CEP152: variants seen among roughly 807,000 people sequenced by gnomAD.
The protein encoded by CEP152 is centrosomal protein of 152 kDa.
CEP152 carries 132 observed loss-of-function variants against 188.9 expected under a neutral mutation model. The observed-to-expected ratio is 0.70, with a 90% CI of 0.61 to 0.81. CEP152 has a LOEUF of 0.81. Among genes scored for constraint, CEP152 ranks in the 30% least tolerant of loss-of-function variants. CEP152 has a pLI of 0.00. For synonymous variants in CEP152, 649 were observed against 666.6 expected, an observed-to-expected ratio of 0.97 and a Z score of 0.41; for missense variants, 1,914 against 1,969.8, an observed-to-expected ratio of 0.97 and a Z score of 0.54.
intron 12 of CEP152, among the ~76,000 whole-genome samples, chr15:48,780,266 T>C (rs923777353): frequency 3.9e-5 from 6 of 152,286 alleles, no homozygotes; most frequent in Middle Eastern, 3.4e-3. Context: ...AAGACAGACC[T>C]CTAGATAAAT....
intron 2 of CEP152, 43 bp downstream of exon 2, chr15:48,805,520 T>C (rs373113457): frequency 1.1e-5 from 17 of 1,578,200 alleles, no homozygotes; most frequent in Non-Finnish European, 1.3e-5. Flanking sequence ...TTGTTAAAGA[T>C]TGGGTTTAGT....
chr15:48,775,473 A>G (rs1201799932), intron 12 of CEP152, among the ~76,000 whole-genome samples: 1 of 152,194 alleles, frequency 6.6e-6, no homozygotes, highest in Non-Finnish European at 1.5e-5. Context: ...CACAGAAACC[A>G]TTGAGTCCAG....
intron 20 of CEP152, among the ~76,000 whole-genome samples, 169 bp downstream of exon 20, chr15:48,755,734 C>T (rs1425821284): frequency 2.0e-5 from 3 of 151,894 alleles, no homozygotes; most frequent in African/African-American, 4.8e-5. Context: ...TTTTTGGCAA[C>T]GAAACATGCA....
At chr15:48,774,992 AG>A (rs538797016) in intron 12 of CEP152, among the ~76,000 whole-genome samples, 80 of 152,276 alleles carry the variant, frequency 5.3e-4, no homozygotes, top group African/African-American at 1.8e-3. Context: ...AGTAAACAAA[AG>A]TTAAAATAAA....
chr15:48,799,516 A>G (rs183082831), intron 2 of CEP152, among the ~76,000 whole-genome samples: 125 of 152,204 alleles, frequency 8.2e-4, no homozygotes, highest in Admixed American at 4.6e-3. Context: ...TCATCTAAAG[A>G]TGCAACAAGA....
rs72739868 is a variant in CEP152 at position 48,800,533 on chromosome 15, C to T, written c.88-2482G>A. Reference sequence around the variant, plus strand: ...TTGCCGTATCTAGATATGCATGTTACCAAATACAGAAATTTAGAAACTATA... The same window carrying T: ...TTGCCGTATCTAGATATGCATGTTATCAAATACAGAAATTTAGAAACTATA... On this transcript the variant is annotated intron_variant, in intron 2 of 26. Coordinates refer to ENST00000380950, the MANE Select transcript of CEP152 (RefSeq NM_001194998.2). 2.8e-3 allele frequency among the ~76,000 whole-genome samples: 432 copies of T among 152,182 alleles called. 2 individuals carry two copies. The highest frequency in any genetic ancestry group is 4.8e-3 in the Non-Finnish European group (327 of 67,984).
At chr15:48,731,439 G>A (rs886371377) in intron 2 of CEP152, among the ~76,000 whole-genome samples, 1 of 152,118 alleles carries the variant, frequency 6.6e-6, no homozygotes, top group Non-Finnish European at 1.5e-5. Flanking sequence ...ATGGGGAAAG[G>A]ATCTCCTATT....
intron 21 of CEP152, among the ~76,000 whole-genome samples, chr15:48,750,318 T>C (rs541247079): frequency 6.6e-6 from 1 of 152,152 alleles, no homozygotes; most frequent in African/African-American, 2.4e-5. Flanking sequence ...ATTTATAAAA[T>C]TAAAATATAC....
chr15:48,806,058 T>C (rs1220106672), intron 1 of CEP152, among the ~76,000 whole-genome samples: 1 of 151,812 alleles, frequency 6.6e-6, no homozygotes, highest in Non-Finnish European at 1.5e-5. Flanking sequence ...ATTGCTTCAT[T>C]TTTTTTTAAT....
chr15:48,782,317 C>T (rs1329230664), intron 10 of CEP152, 87 bp from the exon 11 acceptor site: 1 of 1,134,222 alleles, frequency 8.8e-7, no homozygotes, highest in East Asian at 2.4e-5. Context: ...TCCACTGAGG[C>T]TACAGAAAGT....
chr15:48,768,927 C>A, intron 14 of CEP152, 29 bp downstream of exon 14: 2 of 1,405,936 alleles, frequency 1.4e-6, no homozygotes, highest in South Asian at 2.6e-5. Context: ...TAAAAATTCT[C>A]ATAAAATATA....
chr15:48,755,942 A>T lies in CEP152; in HGVS notation c.3306T>A (p.Leu1102=). 1 of 1,613,996 alleles carries T rather than the reference A, an allele frequency of 6.2e-7. No homozygotes were observed. ...GCIQKAFQDT[L]PLLVENADPE... is the part of the protein sequence containing the mutation. The stretch of plus-strand genomic sequence containing the variant: ...GGTCAGCGTTTTCTACAAGCAGAGG[A>T]AGTGTATCTTGAAATGCTTTCTGTA... Residue 1102 remains leucine (L), a synonymous_variant, in exon 20 of 27, where the codon CTT becomes CTA. Coordinates refer to ENST00000380950, the MANE Select transcript of CEP152 (RefSeq NM_001194998.2).
chr15:48,743,504 G>A (rs1893165791), intron 24 of CEP152, among the ~76,000 whole-genome samples: 2 of 152,154 alleles, frequency 1.3e-5, no homozygotes, highest in Non-Finnish European at 2.9e-5. Context: ...TTATAGCTAT[G>A]AGAAATAATA....
chr15:48,755,247 G>A (rs940981097), intron 20 of CEP152, among the ~76,000 whole-genome samples: 4 of 152,118 alleles, frequency 2.6e-5, no homozygotes, highest in Middle Eastern at 6.8e-3. Flanking sequence ...TCCAGAAACT[G>A]GGCTTCAGAG....
Position 48,739,001 on chromosome 15 carries a change from A to C in CEP152, c.4381T>G (p.Ser1461Ala). The C allele has an allele frequency of 6.2e-7, 1 of 1,614,136 alleles. No individual in the cohort carries two copies. Residue 1461 changes from serine (S) to alanine (A), a missense_variant, in exon 27 of 27, where the codon TCT becomes GCT. Physicochemically the swap from Ser to Ala is moderately conservative, Grantham distance 99. Transcript: ENST00000380950. Reference protein sequence around the residue: ...KHLNSLPRNVSPEFVPCEGEG... With the variant: ...KHLNSLPRNVAPEFVPCEGEG... ...CCTTCACAAGGAACAAACTCAGGAG[A>C]AACATTCCTTGGCAAACTGTTTAGG...
At position 48,769,068 on chromosome 15, in the gene CEP152, G is replaced by A; in HGVS notation, c.1796C>T (p.Thr599Ile). 6.2e-7 allele frequency: 1 copy of A among 1,606,946 alleles called. No homozygotes were observed. The highest frequency in any genetic ancestry group is 8.5e-7 in the Non-Finnish European group (1 of 1,174,408). The change falls in exon 14 of 27, where the codon ACC becomes ATC. Residue 599 changes from threonine to isoleucine, a missense_variant. Transcript: ENST00000380950. The stretch of plus-strand genomic sequence containing the variant: ...TAATTGATTCTTTGGTTTTTCTGAG[G>A]TATCTGTTTTAGTCTGAATATTAAA... Reference protein sequence around the residue: ...KSIEVETKTDTSEKPKNQLWP... With the variant: ...KSIEVETKTDISEKPKNQLWP...
At position 48,738,983 on chromosome 15, in the gene CEP152, A is replaced by G; in HGVS notation, c.4399T>C (p.Cys1467Arg). ...PRNVSPEFVP[C>R]EGEGGFGLHK... ...AAACCAAAGCCTCCTTCACCTTCAC[A>G]AGGAACAAACTCAGGAGAAACATTC... The change falls in exon 27 of 27, where the codon TGT becomes CGT. Residue 1467 changes from cysteine (C) to arginine (R), a missense_variant. Transcript: ENST00000380950. The G allele has an allele frequency of 6.2e-7, 1 of 1,614,110 alleles. No individual in the cohort carries two copies. Among genetic ancestry groups the G allele is most frequent in the Non-Finnish European group, 8.5e-7 (1 of 1,179,978 alleles).
At chr15:48,747,766 G>A (rs956776801) in intron 22 of CEP152, among the ~76,000 whole-genome samples, 9 of 152,194 alleles carry the variant, frequency 5.9e-5, no homozygotes, top group African/African-American at 2.2e-4. Context: ...AAGGTAAGAA[G>A]AGGGAGCAGC....
intron 17 of CEP152, among the ~76,000 whole-genome samples, chr15:48,765,314 T>C (rs1341679123): frequency 6.6e-6 from 1 of 152,194 alleles, no homozygotes; most frequent in Non-Finnish European, 1.5e-5. Context: ...TATAGAACTA[T>C]ACGCCCAGTG....
Sources: allele counts gnomAD v4.1 joint callset (sites outside exome capture counted in the v4.1 genomes callset), GRCh38; gene constraint gnomAD v4.1.1; transcripts MANE v1.5; gene names NCBI Gene and HGNC (gene_info 2026-07-23, HGNC 2026-07-21).